The following SRGAP3 variants were observed in gnomAD, a reference collection of about 807,000 sequenced individuals.
The protein encoded by SRGAP3 is SLIT-ROBO Rho GTPase activating protein 3.
In SRGAP3, 39 loss-of-function variants were observed where a neutral mutation model predicts 121.1. That is an observed-to-expected ratio of 0.32 (90% CI 0.25 to 0.42). The LOEUF (loss-of-function observed/expected upper bound fraction) is 0.42. Among genes scored for constraint, SRGAP3 ranks in the 10% least tolerant of loss-of-function variants. The pLI is 1.00. For missense variants in SRGAP3, 1,213 were observed against 1,470.6 expected (o/e 0.82, Z 2.86); for synonymous variants, 601 against 570.0 (o/e 1.05, Z -0.77).
chr3:9,328,021 C>A (rs1022275453), intron 2 of SRGAP3, among the ~76,000 whole-genome samples: 7 of 152,258 alleles, frequency 4.6e-5, no homozygotes, highest in African/African-American at 1.7e-4. Context: ...ATAAATTGAA[C>A]AATTTTCAAA....
intron 1 of SRGAP3, among the ~76,000 whole-genome samples, chr3:9,246,461 T>C (rs1953827605): frequency 6.6e-6 from 1 of 152,216 alleles, no homozygotes; most frequent in Non-Finnish European, 1.5e-5. Flanking sequence ...CATCTGCTGC[T>C]GACATCAATC....
At chr3:9,179,231 T>C (rs1951292292) in intron 1 of SRGAP3, among the ~76,000 whole-genome samples, 1 of 152,210 alleles carries the variant, frequency 6.6e-6, no homozygotes, top group African/African-American at 2.4e-5. Context: ...TTTCTAGTTG[T>C]TTCAATATGT....
chr3:9,340,778 T>C (rs11927324), intron 1 of SRGAP3, among the ~76,000 whole-genome samples: 2,679 of 152,266 alleles, frequency 0.018, 92 homozygotes, highest in African/African-American at 0.06. Context: ...AATTGAGATA[T>C]ACAACCCTGT....
At chr3:9,066,571 C>T (rs960936960) in intron 4 of SRGAP3, among the ~76,000 whole-genome samples, 2 of 152,168 alleles carry the variant, frequency 1.3e-5, no homozygotes, top group African/African-American at 4.8e-5. Context: ...ATGATCTTGG[C>T]TCACTGCAAC....
intron 9 of SRGAP3, among the ~76,000 whole-genome samples, chr3:9,048,738 C>T (rs1177846004): frequency 1.3e-5 from 2 of 152,178 alleles, no homozygotes; most frequent in Non-Finnish European, 2.9e-5. Context: ...GTGAGAGAAT[C>T]ACTTGAGCCC....
intron 9 of SRGAP3, 28 bp from the exon 10 acceptor site, chr3:9,047,503 A>T (rs1363692308): frequency 6.2e-7 from 1 of 1,609,708 alleles, no homozygotes; most frequent in Non-Finnish European, 8.5e-7. Context: ...CAAGGAAGTT[A>T]TAGATTGCAA....
intron 1 of SRGAP3, chr3:9,362,814 T>C (rs994937045): frequency 4.6e-5 from 7 of 152,038 alleles, no homozygotes; most frequent in African/African-American, 1.7e-4. Context: ...TTGTTCCAAA[T>C]GAGATGACGC....
At chr3:9,101,428 G>A (rs1948210320) in intron 3 of SRGAP3, among the ~76,000 whole-genome samples, 1 of 152,222 alleles carries the variant, frequency 6.6e-6, no homozygotes, top group South Asian at 2.1e-4. Flanking sequence ...AGCCACAGAC[G>A]CAGCACCCGG....
intron 18 of SRGAP3, among the ~76,000 whole-genome samples, chr3:8,995,306 C>CA (rs869181521): frequency 1.2e-4 from 18 of 151,118 alleles, no homozygotes; most frequent in Non-Finnish European, 2.4e-4. Context: ...ACCTCATTTC[C>CA]AAAAAAAAAT....
intron 2 of SRGAP3, among the ~76,000 whole-genome samples, chr3:9,106,341 G>A (rs750319362): frequency 1.3e-5 from 2 of 152,200 alleles, no homozygotes; most frequent in African/African-American, 2.4e-5. Flanking sequence ...GATGTGAGGG[G>A]AGAGGCCCTT....
chr3:9,135,254 C>T (rs941929761), intron 1 of SRGAP3, among the ~76,000 whole-genome samples: 1 of 152,190 alleles, frequency 6.6e-6, no homozygotes, highest in Non-Finnish European at 1.5e-5. Flanking sequence ...TTTATTATAA[C>T]TTCTTTCTGT....
chr3:9,089,126 C>T (rs75091405), intron 3 of SRGAP3, among the ~76,000 whole-genome samples: 3,135 of 152,138 alleles, frequency 0.021, 113 homozygotes, highest in African/African-American at 0.072. Flanking sequence ...GAATGAGACA[C>T]GGTCCCTGCT....
At chr3:9,045,567 T>C (rs1021258690) in intron 10 of SRGAP3, among the ~76,000 whole-genome samples, 2 of 151,860 alleles carry the variant, frequency 1.3e-5, no homozygotes, top group African/African-American at 4.8e-5. Flanking sequence ...TCAATCATCA[T>C]CATTTGAGTT....
chr3:8,991,078 G>A (rs1942029557), intron 20 of SRGAP3, among the ~76,000 whole-genome samples: 1 of 152,186 alleles, frequency 6.6e-6, no homozygotes, highest in Admixed American at 6.5e-5. Flanking sequence ...GTGCTTCCAG[G>A]CCACAGACAG....
intron 10 of SRGAP3, among the ~76,000 whole-genome samples, chr3:9,046,675 T>C (rs1291700104): frequency 6.6e-6 from 1 of 152,148 alleles, no homozygotes; most frequent in African/African-American, 2.4e-5. Flanking sequence ...ACTCCAGTAG[T>C]ATTCCTTGCA....
intron 18 of SRGAP3, 152 bp downstream of exon 18, chr3:9,010,156 G>C: frequency 1.1e-6 from 1 of 925,432 alleles, no homozygotes. Context: ...TGCCATGAAG[G>C]TTTTTCGGGG....
chr3:9,246,435 C>G (rs1048023900), intron 1 of SRGAP3, among the ~76,000 whole-genome samples: 1 of 152,150 alleles, frequency 6.6e-6, no homozygotes, highest in Non-Finnish European at 1.5e-5. Flanking sequence ...GGCTGCCAGT[C>G]CCCCCACAAA....
intron 3 of SRGAP3, among the ~76,000 whole-genome samples, chr3:9,301,248 G>C (rs1329372475): frequency 3.3e-5 from 5 of 152,208 alleles, no homozygotes; most frequent in Admixed American, 2.6e-4. Context: ...TGCCAAGAGA[G>C]GACAAATCCC....
chr3:9,122,437 C>A (rs538739470), intron 2 of SRGAP3, among the ~76,000 whole-genome samples: 15 of 152,170 alleles, frequency 9.9e-5, no homozygotes, highest in African/African-American at 3.6e-4. Context: ...TGGCTGGGCG[C>A]GGTGGCTCAC....
Sources: allele counts gnomAD v4.1 joint callset (sites outside exome capture counted in the v4.1 genomes callset), GRCh38; gene constraint gnomAD v4.1.1; transcripts MANE v1.5; gene names NCBI Gene and HGNC (gene_info 2026-07-23, HGNC 2026-07-21).